KLF8: variants seen among roughly 807,000 people sequenced by gnomAD.
KLF8 encodes KLF transcription factor 8.
Under a neutral mutation model 18.2 loss-of-function variants are expected in KLF8, and 10 were observed. That is an observed-to-expected ratio of 0.55 (90% CI 0.34 to 0.93). KLF8 has a LOEUF of 0.93. KLF8 is among the 40% of genes least tolerant of loss of function. KLF8 has a pLI of 0.02. For synonymous variants in KLF8, 109 were observed against 97.3 expected (o/e 1.12, Z -0.71); for missense variants, 264 against 277.9 (o/e 0.95, Z 0.36).
At chrX:56,058,202 A>T in the KLF8 span, among the ~76,000 whole-genome samples, 1 of 87,533 alleles carries the variant, frequency 1.1e-5, no homozygotes, top group African/African-American at 4.8e-5. Flanking sequence ...ACATATATAT[A>T]TACACATATA....
At chrX:56,189,746 C>T in the KLF8 span, among the ~76,000 whole-genome samples, 6 of 107,579 alleles carry the variant, frequency 5.6e-5, no homozygotes, top group Admixed American at 2.0e-4. Context: ...TGGAAATCAT[C>T]GTTCTCAGTA....
At chrX:56,048,857 G>A in the KLF8 span, among the ~76,000 whole-genome samples, 2 of 111,556 alleles carry the variant, frequency 1.8e-5, no homozygotes, top group African/African-American at 6.5e-5. Flanking sequence ...ATTACCTTGG[G>A]CAGTATGGCC....
the KLF8 span, among the ~76,000 whole-genome samples, chrX:55,990,735 G>T: frequency 8.9e-6 from 1 of 112,394 alleles, no homozygotes; most frequent in Non-Finnish European, 1.9e-5. Flanking sequence ...ACCATCAGCT[G>T]CTGGTCTGTT....
At chrX:56,160,044 G>C in the KLF8 span, among the ~76,000 whole-genome samples, 23 of 111,561 alleles carry the variant, frequency 2.1e-4, no homozygotes, top group Non-Finnish European at 3.0e-4. Flanking sequence ...AAATTTCCCT[G>C]TACACACTGC....
the KLF8 span, among the ~76,000 whole-genome samples, chrX:56,198,516 G>A: frequency 2.7e-5 from 3 of 111,619 alleles, no homozygotes; most frequent in African/African-American, 9.8e-5. Flanking sequence ...AAATATGCAG[G>A]AATCCAATTT....
chrX:56,105,613 G>A, the KLF8 span, among the ~76,000 whole-genome samples: 4 of 107,557 alleles, frequency 3.7e-5, no homozygotes, highest in African/African-American at 1.0e-4. Flanking sequence ...CTCTGCATGC[G>A]AGATGGGTCT....
At chrX:56,258,687 G>A (rs967780652) in intron 2 of KLF8, among the ~76,000 whole-genome samples, 3 of 112,116 alleles carry the variant, frequency 2.7e-5, no homozygotes, top group African/African-American at 9.7e-5. Flanking sequence ...TTTGAAATTG[G>A]TTCAATGTGT....
chrX:56,129,990 C>A, the KLF8 span, among the ~76,000 whole-genome samples: 2 of 110,497 alleles, frequency 1.8e-5, no homozygotes, highest in African/African-American at 6.6e-5. Flanking sequence ...ACCATACCCC[C>A]AACCTCCCAA....
chrX:55,958,039 G>T, the KLF8 span, among the ~76,000 whole-genome samples: 1 of 112,138 alleles, frequency 8.9e-6, no homozygotes, highest in African/African-American at 3.2e-5. Flanking sequence ...ATTATGTTTA[G>T]CCAGATAAAA....
At chrX:56,049,038 G>A in the KLF8 span, among the ~76,000 whole-genome samples, 2 of 111,354 alleles carry the variant, frequency 1.8e-5, no homozygotes, top group Non-Finnish European at 1.9e-5. Context: ...ATTTTGAATG[G>A]GAGTTCACTC....
At chrX:56,089,004 C>T in the KLF8 span, among the ~76,000 whole-genome samples, 2 of 111,538 alleles carry the variant, frequency 1.8e-5, no homozygotes, top group African/African-American at 6.5e-5. Context: ...TCATCTATTT[C>T]TAAGCATCAT....
chrX:56,131,323 G>A, the KLF8 span, among the ~76,000 whole-genome samples: 3 of 111,536 alleles, frequency 2.7e-5, no homozygotes, highest in Non-Finnish European at 3.8e-5. Context: ...GAAGGAGTTG[G>A]GGCCCTATCT....
the KLF8 span, among the ~76,000 whole-genome samples, chrX:56,062,606 T>C: frequency 2.6e-4 from 29 of 112,264 alleles, no homozygotes; most frequent in Admixed American, 9.4e-4. Flanking sequence ...TCTCTCTGGC[T>C]GCCCTTAACT....
the KLF8 span, among the ~76,000 whole-genome samples, chrX:56,163,630 G>A: frequency 8.9e-6 from 1 of 111,744 alleles, no homozygotes; most frequent in African/African-American, 3.2e-5. Flanking sequence ...ATTTGTTGCA[G>A]TTGCTTTCAG....
the KLF8 span, among the ~76,000 whole-genome samples, chrX:56,225,831 G>A: frequency 8.9e-6 from 1 of 112,277 alleles, no homozygotes; most frequent in African/African-American, 3.2e-5. Flanking sequence ...GGCATTTGCA[G>A]CTCTAAATTA....
the KLF8 span, among the ~76,000 whole-genome samples, chrX:55,975,910 G>A: frequency 9.0e-6 from 1 of 111,547 alleles, no homozygotes; most frequent in Admixed American, 9.4e-5. Context: ...AGGAGTTTGA[G>A]ACCAGCCTGA....
the KLF8 span, among the ~76,000 whole-genome samples, chrX:56,113,028 C>A: frequency 2.8e-4 from 31 of 109,910 alleles, no homozygotes; most frequent in African/African-American, 9.9e-4. Context: ...ACCTGGCCAA[C>A]ATGGTGAAAC....
chrX:56,077,377 A>G, the KLF8 span, among the ~76,000 whole-genome samples: 2 of 112,071 alleles, frequency 1.8e-5, no homozygotes, highest in African/African-American at 6.5e-5. Context: ...CGGTTTTCCC[A>G]GCACCATTTA....
At chrX:56,266,106 A>T in intron 3 of KLF8, 1 of 777,903 alleles carries the variant, frequency 1.3e-6, no homozygotes, top group Non-Finnish European at 1.5e-6. Flanking sequence ...ACATGCTTCA[A>T]AAATAGTTGA....
Sources: allele counts gnomAD v4.1 joint callset (sites outside exome capture counted in the v4.1 genomes callset), GRCh38; gene constraint gnomAD v4.1.1; transcripts MANE v1.5; gene names NCBI Gene and HGNC (gene_info 2026-07-23, HGNC 2026-07-21).